The following JPH2 variants were observed in gnomAD, a reference collection of about 807,000 sequenced individuals.
JPH2 encodes the protein junctophilin-2.
Under a neutral mutation model 55.9 loss-of-function variants are expected in JPH2, and 38 were observed. The observed-to-expected ratio is 0.68, with a 90% CI of 0.52 to 0.89. The LOEUF (loss-of-function observed/expected upper bound fraction) is 0.89, where lower values mean the gene tolerates loss of function less well. Among genes scored for constraint, JPH2 ranks in the 40% least tolerant of loss-of-function variants. The pLI, the probability that JPH2 is intolerant of heterozygous loss-of-function variation, is 0.00. For missense variants in JPH2, 964 were observed against 1,037.6 expected, an observed-to-expected ratio of 0.93 and a Z score of 0.97; for synonymous variants, 480 against 472.4, an observed-to-expected ratio of 1.02 and a Z score of -0.21.
chr20:44,158,890 G>A (rs536382027), intron 2 of JPH2, among the ~76,000 whole-genome samples: 1 of 152,168 alleles, frequency 6.6e-6, no homozygotes, highest in African/African-American at 2.4e-5. Context: ...GGGTGGCTGG[G>A]CAGCTGGAAG....
At chr20:44,126,103 G>C (rs1157524346) in intron 2 of JPH2, among the ~76,000 whole-genome samples, 1 of 139,316 alleles carries the variant, frequency 7.2e-6, no homozygotes, top group Non-Finnish European at 1.5e-5. Context: ...TTCAGCCTGA[G>C]TGACAAAGCA....
At chr20:44,128,339 T>C (rs920039273) in intron 2 of JPH2, among the ~76,000 whole-genome samples, 1 of 152,174 alleles carries the variant, frequency 6.6e-6, no homozygotes, top group Non-Finnish European at 1.5e-5. Flanking sequence ...ACTTTACAGA[T>C]GAGGAAACTG....
intron 2 of JPH2, among the ~76,000 whole-genome samples, chr20:44,152,892 A>G (rs532285627): frequency 1.7e-4 from 26 of 152,382 alleles, no homozygotes; most frequent in African/African-American, 4.3e-4. Context: ...TTGGGCATCA[A>G]TAGTTTGATG....
intron 1 of JPH2, chr20:44,177,939 T>C (rs1455219723): frequency 1.5e-6 from 2 of 1,379,144 alleles, no homozygotes; most frequent in Admixed American, 3.3e-5. Context: ...TTTCATTGTC[T>C]CGACCATATT....
At chr20:44,177,499 C>T (rs910423940) in intron 1 of JPH2, 46 of 1,023,196 alleles carry the variant, frequency 4.5e-5, no homozygotes, top group Non-Finnish European at 5.3e-5. Flanking sequence ...AAGACTAATA[C>T]GGTCCGCTTT....
At chr20:44,162,785 T>TATAC (rs1250677117) in intron 1 of JPH2, among the ~76,000 whole-genome samples, 4 of 49,978 alleles carry the variant, frequency 8.0e-5, no homozygotes, top group African/African-American at 3.9e-4. Context: ...TATATATATA[T>TATAC]ATACACACAC....
At position 44,113,260 on chromosome 20, in the gene JPH2, C is replaced by T. The variant is rs13043824; in HGVS notation, c.*258G>A. On this transcript the variant is annotated 3_prime_UTR_variant, in exon 6 of 6. Transcript: ENST00000372980. ...GATCAGGAAGCTCAAGAGACCAGGG[C>T]GCTTCTCTCTGGGCTCTCCTTGCCC... 0.092 allele frequency: 14,008 copies of T among 152,302 alleles called. 811 individuals are homozygous for T. Among genetic ancestry groups the T allele is most frequent in the Non-Finnish European group, 0.13 (8,612 of 68,078 alleles). The allele number at this position is 152,302 out of a possible 1,614,324, so 9.4% of individuals were successfully genotyped here.
chr20:44,179,357 G>A (rs2072761846), intron 1 of JPH2, among the ~76,000 whole-genome samples: 1 of 152,158 alleles, frequency 6.6e-6, no homozygotes, highest in African/African-American at 2.4e-5. Context: ...CACTGCCAGG[G>A]AAGGAATAAA....
Position 44,134,689 on chromosome 20 carries a change from A to T in JPH2, c.1170-16066T>A, listed in dbSNP as rs1391975356. Reference sequence around the variant, plus strand: ...ATAAATATATATTTATAAATATTATAAATATATATACATTAATATATATTA... The same window carrying T: ...ATAAATATATATTTATAAATATTATTAATATATATACATTAATATATATTA... On this transcript the variant is annotated intron_variant, in intron 2 of 5. Coordinates refer to ENST00000372980, the MANE Select transcript of JPH2 (RefSeq NM_020433.5). Among the ~76,000 whole-genome samples the T allele has an allele frequency of 4.1e-5, 2 of 48,918 alleles. 1 individual carries two copies. Among genetic ancestry groups the T allele is most frequent in the African/African-American group, 1.9e-4 (2 of 10,372 alleles). The allele number at this position is 48,918 out of a possible 152,430, so 32.1% of individuals were successfully genotyped here.
intron 1 of JPH2, among the ~76,000 whole-genome samples, chr20:44,166,180 C>T (rs1455465407): frequency 1.3e-5 from 2 of 152,228 alleles, no homozygotes; most frequent in African/African-American, 4.8e-5. Flanking sequence ...CTGCAAACAG[C>T]TCTGTGGAAA....
At chr20:44,178,107 T>C in intron 1 of JPH2, 1 of 743,070 alleles carries the variant, frequency 1.3e-6, no homozygotes, top group South Asian at 1.4e-5. Flanking sequence ...ATATCACATG[T>C]CTTCCTTTAG....
At chr20:44,154,002 A>G (rs1203642067) in intron 2 of JPH2, among the ~76,000 whole-genome samples, 3 of 152,200 alleles carry the variant, frequency 2.0e-5, no homozygotes, top group Non-Finnish European at 4.4e-5. Context: ...TCCAGTATCT[A>G]TGACCTTAAA....
intron 2 of JPH2, among the ~76,000 whole-genome samples, chr20:44,124,809 G>GA (rs566957589): frequency 0.099 from 14,165 of 142,826 alleles, 741 homozygotes; most frequent in African/African-American, 0.14. Flanking sequence ...TGAATGGTTA[G>GA]AAAAAAAAAA....
intron 2 of JPH2, among the ~76,000 whole-genome samples, chr20:44,148,127 C>G (rs1258647182): frequency 1.3e-5 from 2 of 152,170 alleles, no homozygotes; most frequent in Non-Finnish European, 2.9e-5. Flanking sequence ...CACACCACTG[C>G]ACTCCAGCCT....
chr20:44,178,138 G>A (rs2072750293), intron 1 of JPH2, among the ~76,000 whole-genome samples: 1 of 152,018 alleles, frequency 6.6e-6, no homozygotes, highest in South Asian at 2.1e-4. Flanking sequence ...TTCTCTCAGG[G>A]CCTCTACACT....
chr20:44,158,275 G>C (rs1002282021), intron 2 of JPH2, among the ~76,000 whole-genome samples: 1 of 152,172 alleles, frequency 6.6e-6, no homozygotes, highest in Non-Finnish European at 1.5e-5. Context: ...AAAGGAACCA[G>C]TATGAACAAA....
In JPH2 at chr20:44,118,529, G is replaced by C; in HGVS notation, c.1264C>G (p.Leu422Val). The C allele has an allele frequency of 6.2e-7, 1 of 1,613,072 alleles. No homozygotes were observed. The highest frequency in any genetic ancestry group is 8.5e-7 in the Non-Finnish European group (1 of 1,179,918). Reference protein sequence around the residue: ...SNIARTLARELAPDFYQPGPE... With the variant: ...SNIARTLAREVAPDFYQPGPE... ...CCTGGCTGGTAGAAGTCCGGAGCCA[G>C]CTCCCTGGCCAAAGTGCGAGCAATG... The change falls in exon 3 of 6, where the codon CTG becomes GTG. Residue 422 changes from leucine to valine, a missense_variant. By Grantham distance (32) the Leu-to-Val change is conservative. Coordinates refer to ENST00000372980, the MANE Select transcript of JPH2 (RefSeq NM_020433.5).
intron 2 of JPH2, among the ~76,000 whole-genome samples, chr20:44,134,440 T>TATAA (rs1555855790): frequency 1.4e-3 from 1 of 728 alleles, no homozygotes. Flanking sequence ...TATAAATATA[T>TATAA]ATAAATATAT....
In JPH2 at chr20:44,186,726, C is replaced by T. The variant is rs1316950944; in HGVS notation, c.-21G>A. On this transcript the variant is annotated 5_prime_UTR_variant, in exon 1 of 6. Coordinates refer to ENST00000372980, the MANE Select transcript of JPH2 (RefSeq NM_020433.5). ...CTCATCTCATCATAGCCCCTGACAA[C>T]CTCCCCGTCCTCCAGCGTGGGTGCA... The T allele has an allele frequency of 1.3e-6, 2 of 1,596,238 alleles. No homozygotes were observed. The highest frequency in any genetic ancestry group is 1.7e-6 in the Non-Finnish European group (2 of 1,178,524).
Sources: allele counts gnomAD v4.1 joint callset (sites outside exome capture counted in the v4.1 genomes callset), GRCh38; gene constraint gnomAD v4.1.1; transcripts MANE v1.5; gene names NCBI Gene and HGNC (gene_info 2026-07-23, HGNC 2026-07-21).